Variants in SYT1 observed in about 807,000 individuals in gnomAD.
SYT1 encodes the protein synaptotagmin 1.
SYT1 carries 8 observed loss-of-function variants against 44.8 expected under a neutral mutation model. The ratio of observed to expected loss-of-function variants is 0.18; its 90% CI spans 0.10 to 0.32. SYT1 has a LOEUF of 0.32. Ranked by LOEUF, SYT1 falls within the 10% of genes least tolerant of loss-of-function variation. SYT1 has a pLI of 1.00. For synonymous variants in SYT1, 154 were observed against 188.8 expected (o/e 0.82, Z 1.51); for missense variants, 286 against 509.3 (o/e 0.56, Z 4.22).
intron 9 of SYT1, among the ~76,000 whole-genome samples, chr12:79,434,424 C>T (rs1272171286): frequency 2.6e-5 from 4 of 152,146 alleles, no homozygotes; most frequent in Non-Finnish European, 5.9e-5. Context: ...GTAGTCTTCT[C>T]TAAGTACTTG....
At chr12:78,883,359 T>A (rs1055387462) in intron 1 of SYT1, among the ~76,000 whole-genome samples, 1 of 151,690 alleles carries the variant, frequency 6.6e-6, no homozygotes, top group African/African-American at 2.4e-5. Flanking sequence ...CCTTCTTGAT[T>A]TTTTCATTCG....
intron 3 of SYT1, among the ~76,000 whole-genome samples, chr12:79,194,890 G>T (rs1019987966): frequency 6.6e-6 from 1 of 152,136 alleles, no homozygotes; most frequent in Admixed American, 6.6e-5. Context: ...TAAACGCTAA[G>T]GTCAAATTGT....
chr12:78,905,395 C>G (rs557368539), intron 1 of SYT1, among the ~76,000 whole-genome samples: 1 of 152,078 alleles, frequency 6.6e-6, no homozygotes, highest in South Asian at 2.1e-4. Context: ...TCTCCCTATC[C>G]AAATTATCTA....
chr12:79,239,652 CACA>C (rs1477320905), intron 4 of SYT1, among the ~76,000 whole-genome samples: 2 of 152,158 alleles, frequency 1.3e-5, no homozygotes, highest in African/African-American at 4.8e-5. Flanking sequence ...CTTAAAACAA[CACA>C]ACGTTTATTA....
chr12:79,421,349 C>T lies in SYT1; in HGVS notation c.929-22724C>T, dbSNP rs377601267. Among the ~76,000 whole-genome samples the T allele has an allele frequency of 8.5e-5, 13 of 152,184 alleles. 1 individual carries two copies. The East Asian group carries it at 1.9e-3, about 23-fold the overall frequency. ...TTACTGTCTTGAACTCTTTTATATG[C>T]TGGTGTGTTTTATAAATTTCTAAGG... On this transcript the variant is annotated intron_variant, in intron 9 of 10. Coordinates refer to ENST00000261205, the MANE Select transcript of SYT1 (RefSeq NM_005639.3).
At chr12:78,921,203 A>G (rs1194912157) in intron 1 of SYT1, among the ~76,000 whole-genome samples, 1 of 151,954 alleles carries the variant, frequency 6.6e-6, no homozygotes. Flanking sequence ...AACAGAAGTT[A>G]GCATAGGGGA....
rs144399214 is a variant in SYT1 at position 78,912,634 on chromosome 12, G to C, written c.-217+47525G>C. On this transcript the variant is annotated intron_variant, in intron 1 of 10. Coordinates refer to ENST00000261205, the MANE Select transcript of SYT1 (RefSeq NM_005639.3). ...TCAGTAATCAACAGGGGCATGCAAA[G>C]GTAAAGGCAGTGAATTTGGAAATAA... 2.2e-3 allele frequency among the ~76,000 whole-genome samples: 333 copies of C among 151,920 alleles called. 3 individuals carry two copies. The highest frequency in any genetic ancestry group is 7.7e-3 in the African/African-American group (319 of 41,466).
At chr12:79,057,413 AT>A (rs912791270) in intron 3 of SYT1, among the ~76,000 whole-genome samples, 1 of 151,850 alleles carries the variant, frequency 6.6e-6, no homozygotes, top group Admixed American at 6.6e-5. Flanking sequence ...CCCCCCCCAA[AT>A]GATATTATAC....
At chr12:79,407,546 A>AT (rs926295842) in intron 9 of SYT1, among the ~76,000 whole-genome samples, 1 of 152,102 alleles carries the variant, frequency 6.6e-6, no homozygotes, top group African/African-American at 2.4e-5. Flanking sequence ...TACCATTGGG[A>AT]TAGCTCTGAT....
chr12:79,113,404 T>C (rs1188665662), intron 3 of SYT1, among the ~76,000 whole-genome samples: 5 of 152,180 alleles, frequency 3.3e-5, no homozygotes, highest in African/African-American at 1.2e-4. Flanking sequence ...TAGAGAGATA[T>C]GACTTTGAAA....
In SYT1 at chr12:78,923,160, C is replaced by T. The variant is rs140629992; in HGVS notation, c.-216-54639C>T. On this transcript the variant is annotated intron_variant, in intron 1 of 10. Coordinates refer to ENST00000261205, the MANE Select transcript of SYT1 (RefSeq NM_005639.3). ...GTGAAAGAAATATTCTATATTTATG[C>T]TGTCCAATATGGTGGTTAGTAGCCA... Among the ~76,000 whole-genome samples, 249 of 152,120 alleles carry T rather than the reference C, an allele frequency of 1.6e-3. 1 individual carries two copies. Among genetic ancestry groups the T allele is most frequent in the Middle Eastern group, 6.8e-3 (2 of 294 alleles).
At chr12:79,016,365 T>C (rs1871808994) in intron 2 of SYT1, among the ~76,000 whole-genome samples, 1 of 152,168 alleles carries the variant, frequency 6.6e-6, no homozygotes, top group Non-Finnish European at 1.5e-5. Context: ...GCATTATGCT[T>C]TCCTTTGGAG....
chr12:79,320,649 T>C lies in SYT1; in HGVS notation c.810+21098T>C, dbSNP rs58695023. On this transcript the variant is annotated intron_variant, in intron 8 of 10. Transcript: ENST00000261205. ...AATTTATCTTTTTTTCTTTTTCCCCTTTTTTTTTTTTTTTTTTTTTGAGAC... is the reference window on the plus strand; with the variant it reads ...AATTTATCTTTTTTTCTTTTTCCCCCTTTTTTTTTTTTTTTTTTTTGAGAC... Among the ~76,000 whole-genome samples the C allele has an allele frequency of 5.6e-4, 67 of 118,968 alleles. 1 individual carries two copies. Among genetic ancestry groups the C allele is most frequent in the Admixed American group, 2.6e-3 (32 of 12,342 alleles). 78.0% of individuals were successfully genotyped at this position (118,968 alleles called of 152,430 possible). A position where few individuals can be genotyped will look rare whatever the true frequency, so the allele number is the denominator to read the frequency against.
At chr12:79,073,464 G>T (rs1474081482) in intron 3 of SYT1, among the ~76,000 whole-genome samples, 2 of 152,122 alleles carry the variant, frequency 1.3e-5, no homozygotes. Flanking sequence ...TCGGAATGTT[G>T]TGAGGAGTGG....
At chr12:78,896,795 T>G (rs1292929931) in intron 1 of SYT1, among the ~76,000 whole-genome samples, 2 of 151,880 alleles carry the variant, frequency 1.3e-5, no homozygotes, top group Admixed American at 6.6e-5. Context: ...TTATCTTCAT[T>G]TCTTTTTGAT....
chr12:79,292,872 A>G (rs1879655848), intron 6 of SYT1, among the ~76,000 whole-genome samples: 1 of 152,192 alleles, frequency 6.6e-6, no homozygotes, highest in African/African-American at 2.4e-5. Flanking sequence ...GCTGAAAGAC[A>G]ACTGTTAAAA....
intron 9 of SYT1, among the ~76,000 whole-genome samples, chr12:79,440,590 C>A (rs1870354019): frequency 6.6e-6 from 1 of 152,100 alleles, no homozygotes. Flanking sequence ...AAAGCAAGAG[C>A]AACATTTGTG....
At chr12:79,198,667 C>G (rs1374117957) in intron 3 of SYT1, among the ~76,000 whole-genome samples, 1 of 152,120 alleles carries the variant, frequency 6.6e-6, no homozygotes, top group African/African-American at 2.4e-5. Flanking sequence ...TTTTTGTCTT[C>G]TGCAGTAGCA....
At chr12:79,182,021 A>G (rs1332113205) in intron 3 of SYT1, among the ~76,000 whole-genome samples, 2 of 151,988 alleles carry the variant, frequency 1.3e-5, no homozygotes, top group Non-Finnish European at 2.9e-5. Flanking sequence ...TTGTCTACAC[A>G]CATGTATAGG....
Sources: gnomAD v4.1 joint callset for allele counts (sites outside exome capture counted in the v4.1 genomes callset) on GRCh38, gnomAD v4.1.1 for gene constraint, MANE v1.5 for transcripts, NCBI Gene and HGNC (gene_info 2026-07-23, HGNC 2026-07-21) for gene names.